PRKN: variants seen among roughly 807,000 people sequenced by gnomAD.
The protein encoded by PRKN is E3 ubiquitin-protein ligase parkin.
PRKN carries 56 observed loss-of-function variants against 59.5 expected under a neutral mutation model. The ratio of observed to expected loss-of-function variants is 0.94; its 90% CI spans 0.76 to 1.18. The LOEUF is 1.18. Ranked by LOEUF, PRKN falls within the 50% of genes most tolerant of loss-of-function variation. The pLI, the probability that PRKN is intolerant of heterozygous loss-of-function variation, is 0.00. For synonymous variants in PRKN, 250 were observed against 222.1 expected, an observed-to-expected ratio of 1.13 and a Z score of -1.12; for missense variants, 657 against 596.4, an observed-to-expected ratio of 1.10 and a Z score of -1.06.
Position 161,352,755 on chromosome 6 carries a change from G to GTGTGTATATATATATATATATATATA in PRKN, c.1286-2545_1286-2544insTATATATATATATATATATATACACA, listed in dbSNP as rs766949960. On this transcript the variant is annotated intron_variant, in intron 11 of 11. Transcript: ENST00000366898. This position sits in a 1 kb window ranked among gnomAD's most constrained non-coding sequence, Gnocchi z 5.8. ...TGTGTGTGTGTGTGTGTGTGTGTGT[G>GTGTGTATATATATATATATATATATA]TATATATATATATATATTTTATTTT... Among the ~76,000 whole-genome samples, 1 of 134,378 alleles carries GTGTGTATATATATATATATATATATA rather than the reference G, an allele frequency of 7.4e-6. No homozygotes were observed. The highest frequency in any genetic ancestry group is 2.8e-5 in the African/African-American group (1 of 35,726). 88.2% of individuals were successfully genotyped at this position (134,378 alleles called of 152,430 possible).
At chr6:162,208,807 C>T (rs1000581017) in intron 3 of PRKN, among the ~76,000 whole-genome samples, 1 of 152,094 alleles carries the variant, frequency 6.6e-6, no homozygotes, top group Non-Finnish European at 1.5e-5. Flanking sequence ...ATAATGTGTC[C>T]AGTTTCCTCA....
At chr6:162,229,275 G>A (rs114489107) in intron 3 of PRKN, among the ~76,000 whole-genome samples, 2,081 of 152,170 alleles carry the variant, frequency 0.014, 32 homozygotes, top group African/African-American at 0.038. Flanking sequence ...AGGTGTTCAA[G>A]TAACTGTGAT....
At chr6:162,315,932 G>A (rs140898044) in intron 2 of PRKN, among the ~76,000 whole-genome samples, 1,526 of 152,108 alleles carry the variant, frequency 0.01, 18 homozygotes, top group Middle Eastern at 0.024. Flanking sequence ...TTTCATTTTG[G>A]ATGCTGTAAG....
chr6:162,110,887 C>T (rs62436048), intron 4 of PRKN, among the ~76,000 whole-genome samples: 1,546 of 152,220 alleles, frequency 0.01, 15 homozygotes, highest in Middle Eastern at 0.031. Flanking sequence ...ATGAGGAAAA[C>T]GGCAGGACAA....
At chr6:161,453,961 TA>T (rs1297880958) in intron 9 of PRKN, among the ~76,000 whole-genome samples, 2 of 152,078 alleles carry the variant, frequency 1.3e-5, no homozygotes, top group African/African-American at 4.8e-5. Context: ...GATGAGGAAC[TA>T]AAAGAGCATT....
intron 5 of PRKN, among the ~76,000 whole-genome samples, chr6:162,007,197 G>C (rs562635365): frequency 6.6e-6 from 1 of 152,092 alleles, no homozygotes; most frequent in Non-Finnish European, 1.5e-5. Context: ...TTAAAGAAAT[G>C]TCACTGCTCT....
chr6:162,227,989 T>C (rs952710837), intron 3 of PRKN, among the ~76,000 whole-genome samples: 6 of 151,956 alleles, frequency 3.9e-5, no homozygotes, highest in Non-Finnish European at 7.4e-5. Context: ...AATGTGTTCT[T>C]GTGAGGGCTA....
rs758406662 is a variant in PRKN, at chr6:161,428,993, G to C, written c.1084-42116C>G. Among the ~76,000 whole-genome samples the C allele has an allele frequency of 1.3e-5, 2 of 152,156 alleles. No homozygotes were observed. Among genetic ancestry groups the C allele is most frequent in the African/African-American group, 2.4e-5 (1 of 41,434 alleles). On this transcript the variant is annotated intron_variant, in intron 9 of 11. Transcript: ENST00000366898. This position sits in a 1 kb window ranked among gnomAD's most constrained non-coding sequence, Gnocchi z 4.0. ...GCTGGCAGACCAGCTCAGGTCAGCT[G>C]GTTCAAGAAGGGGGAAAGTTTTGCT...
intron 9 of PRKN, among the ~76,000 whole-genome samples, chr6:161,543,177 C>T (rs1362231476): frequency 6.6e-6 from 1 of 152,094 alleles, no homozygotes; most frequent in Non-Finnish European, 1.5e-5. Flanking sequence ...TCATTGACTC[C>T]TTTCCTACGT....
chr6:162,393,155 CTTTTTTTTT>C (rs1177332315), intron 2 of PRKN, among the ~76,000 whole-genome samples: 1 of 80,190 alleles, frequency 1.2e-5, no homozygotes, highest in Non-Finnish European at 2.3e-5. Flanking sequence ...ATAGGAGATT[CTTTTTTTTT>C]TTTTTTTTTT....
intron 1 of PRKN, among the ~76,000 whole-genome samples, chr6:162,475,431 G>A (rs1168400181): frequency 6.6e-6 from 1 of 152,106 alleles, no homozygotes; most frequent in Admixed American, 6.6e-5. Context: ...AGAAAAGAAA[G>A]AGAAACTTGG....
At chr6:162,480,997 T>C (rs1792284042) in intron 1 of PRKN, among the ~76,000 whole-genome samples, 1 of 151,884 alleles carries the variant, frequency 6.6e-6, no homozygotes, top group South Asian at 2.1e-4. Context: ...TGTGTGTGTG[T>C]ATTTTTAGTA....
intron 5 of PRKN, among the ~76,000 whole-genome samples, chr6:162,053,389 T>A (rs940725605): frequency 1.8e-4 from 28 of 152,194 alleles, no homozygotes; most frequent in Non-Finnish European, 3.4e-4. Context: ...TGTATACAGT[T>A]AGATTACGAC....
rs556415544 is a variant in PRKN, at chr6:161,578,878, C to T, written c.872-9462G>A. ...TTTTGAATTGTGTGTATATTCTTGG[C>T]GCTTTGCCTTCACCTTTGAATTTCA... On this transcript the variant is annotated intron_variant, in intron 7 of 11. Coordinates refer to ENST00000366898, the MANE Select transcript of PRKN (RefSeq NM_004562.3). This position sits in a 1 kb window ranked among gnomAD's most constrained non-coding sequence, Gnocchi z 4.2. Among the ~76,000 whole-genome samples, 12 of 152,304 alleles carry T rather than the reference C, an allele frequency of 7.9e-5. No homozygotes were observed. In the East Asian group the frequency reaches 9.6e-4, roughly 12 times the overall value.
intron 10 of PRKN, chr6:161,370,117 G>A (rs1785379602): frequency 1.1e-5 from 3 of 279,232 alleles, no homozygotes; most frequent in South Asian, 9.6e-5. Flanking sequence ...TGAAGGCCTG[G>A]ATTGGCCTTA....
At chr6:161,704,612 G>A (rs1786404165) in intron 7 of PRKN, among the ~76,000 whole-genome samples, 1 of 152,074 alleles carries the variant, frequency 6.6e-6, no homozygotes, top group Admixed American at 6.5e-5. Flanking sequence ...TGCACACCCA[G>A]GTCCTCCGGT....
chr6:162,506,251 CAAA>C (rs10528135), intron 1 of PRKN, among the ~76,000 whole-genome samples: 1,375 of 95,294 alleles, frequency 0.014, 16 homozygotes, highest in African/African-American at 0.043. Context: ...AAAGAGGAAG[CAAA>C]AAAAAAAAAA....
rs541896495 is a variant in PRKN, at chr6:161,716,357, A to G, written c.871+69415T>C. Reference sequence around the variant, plus strand: ...GCATGAAATATAGCTGGCTGCATTGAAAGTAGCAGTGCTTTTTTCCCCCTA... The same window carrying G: ...GCATGAAATATAGCTGGCTGCATTGGAAGTAGCAGTGCTTTTTTCCCCCTA... On this transcript the variant is annotated intron_variant, in intron 7 of 11. Transcript: ENST00000366898. Among the ~76,000 whole-genome samples, 3 of 152,294 alleles carry G rather than the reference A, an allele frequency of 2.0e-5. No individual in the cohort carries two copies. The East Asian group carries it at 5.8e-4, about 29-fold the overall frequency.
intron 7 of PRKN, among the ~76,000 whole-genome samples, chr6:161,604,546 A>G (rs1006766877): frequency 6.6e-6 from 1 of 152,236 alleles, no homozygotes; most frequent in African/African-American, 2.4e-5. Flanking sequence ...TGGAGGAAGA[A>G]CTTGCAGCAT....
Sources: allele counts gnomAD v4.1 joint callset (sites outside exome capture counted in the v4.1 genomes callset), GRCh38; gene constraint gnomAD v4.1.1; non-coding constraint Gnocchi (gnomAD v3.1); transcripts MANE v1.5; gene names NCBI Gene and HGNC (gene_info 2026-07-23, HGNC 2026-07-21).